CADM2: variants seen among roughly 807,000 people sequenced by gnomAD.
CADM2 encodes the protein cell adhesion molecule 2.
In CADM2, 12 loss-of-function variants were observed where a neutral mutation model predicts 49.8. That is an observed-to-expected ratio of 0.24 (90% confidence interval 0.15 to 0.39). The LOEUF (loss-of-function observed/expected upper bound fraction) is 0.39, where lower values mean the gene tolerates loss of function less well. CADM2 is among the 10% of genes least tolerant of loss of function. CADM2 has a pLI of 1.00. For missense variants in CADM2, 378 were observed against 492.3 expected (o/e 0.77, Z 2.20); for synonymous variants, 214 against 175.4 (o/e 1.22, Z -1.74).
At position 85,496,893 on chromosome 3, in the gene CADM2, G is replaced by T. The variant is rs150586502; in HGVS notation, c.62-229629G>T. 2.0e-3 allele frequency among the ~76,000 whole-genome samples: 306 copies of T among 152,192 alleles called. 3 individuals are homozygous for T. The highest frequency in any genetic ancestry group is 7.2e-3 in the African/African-American group (300 of 41,524). ...GGAGTCTTGCTCTGTTGCCAGGCTG[G>T]AGTGCAATGGCGCCATCTCGGCTCA... On this transcript the variant is annotated intron_variant, in intron 1 of 9. Coordinates refer to ENST00000383699, the MANE Select transcript of CADM2 (RefSeq NM_001167675.2).
intron 1 of CADM2, among the ~76,000 whole-genome samples, chr3:85,496,146 A>G (rs1320595077): frequency 6.6e-6 from 1 of 152,158 alleles, no homozygotes; most frequent in African/African-American, 2.4e-5. Context: ...TGATCCCATC[A>G]TGGAGATAGT....
intron 1 of CADM2, among the ~76,000 whole-genome samples, chr3:85,438,122 T>C (rs1261582932): frequency 6.6e-6 from 1 of 152,066 alleles, no homozygotes; most frequent in African/African-American, 2.4e-5. Context: ...TTTGAATTCT[T>C]ATTTATTTAT....
At chr3:85,175,463 G>GTCT (rs1456697608) in intron 1 of CADM2, among the ~76,000 whole-genome samples, 2 of 152,136 alleles carry the variant, frequency 1.3e-5, no homozygotes, top group Non-Finnish European at 2.9e-5. Context: ...GTGCTACAGT[G>GTCT]TGAATTAACA....
chr3:85,037,317 C>G (rs2035261996), intron 1 of CADM2, among the ~76,000 whole-genome samples: 1 of 152,166 alleles, frequency 6.6e-6, no homozygotes, highest in Non-Finnish European at 1.5e-5. Flanking sequence ...CTCATATTTT[C>G]TCCTTTATGC....
intron 1 of CADM2, among the ~76,000 whole-genome samples, chr3:85,640,024 G>A (rs1244864977): frequency 4.6e-5 from 7 of 152,260 alleles, no homozygotes; most frequent in African/African-American, 1.4e-4. Flanking sequence ...TTCAAAGCAT[G>A]TCTAAGGAGC....
rs1262893925 is a variant in CADM2, at chr3:86,070,426, A to C, written c.*3643A>C. ...AAGTGTTACCAAGGGGAACATTTCA[A>C]ATGCCTTTTGTTTTTCTTTGGACAT... On this transcript the variant is annotated 3_prime_UTR_variant, in exon 10 of 10. Transcript: ENST00000383699. 6.6e-6 allele frequency: 1 copy of C among 151,938 alleles called. No homozygotes were observed. The highest frequency in any genetic ancestry group is 1.5e-5 in the Non-Finnish European group (1 of 67,858). The allele number at this position is 151,938 out of a possible 1,614,324, so 9.4% of individuals were successfully genotyped here.
chr3:85,561,805 CT>C (rs1421525697), intron 1 of CADM2, among the ~76,000 whole-genome samples: 1 of 152,096 alleles, frequency 6.6e-6, no homozygotes, highest in African/African-American at 2.4e-5. Context: ...AAATATCAGA[CT>C]TTTCGTTGAT....
chr3:85,490,030 A>G (rs1021152899), intron 1 of CADM2, among the ~76,000 whole-genome samples: 2 of 150,004 alleles, frequency 1.3e-5, no homozygotes, highest in African/African-American at 4.9e-5. Context: ...TCATAATTCT[A>G]CAATATTAGA....
intron 1 of CADM2, among the ~76,000 whole-genome samples, chr3:85,706,875 A>G (rs2066967116): frequency 6.6e-6 from 1 of 152,220 alleles, no homozygotes; most frequent in African/African-American, 2.4e-5. Flanking sequence ...CCTATCCAAT[A>G]TATTCTGGAG....
chr3:85,192,714 T>C (rs2041237812), intron 1 of CADM2, among the ~76,000 whole-genome samples: 1 of 151,880 alleles, frequency 6.6e-6, no homozygotes. Context: ...GTGGGAAGTA[T>C]GATTTTTATC....
intron 3 of CADM2, among the ~76,000 whole-genome samples, chr3:85,850,938 T>G (rs905785794): frequency 5.9e-5 from 9 of 152,182 alleles, no homozygotes; most frequent in African/African-American, 1.9e-4. Flanking sequence ...TCTAGCACAC[T>G]GTAGCAATGG....
chr3:85,398,155 C>T (rs997279608), intron 1 of CADM2, among the ~76,000 whole-genome samples: 1 of 152,044 alleles, frequency 6.6e-6, no homozygotes, highest in Non-Finnish European at 1.5e-5. Flanking sequence ...TTCCCTCCCC[C>T]CTTCCCCCAC....
intron 2 of CADM2, among the ~76,000 whole-genome samples, chr3:85,745,580 C>T (rs558430219): frequency 6.6e-6 from 1 of 152,020 alleles, no homozygotes; most frequent in Admixed American, 6.6e-5. Context: ...AAGAGTGTTA[C>T]GTGGGCTGGG....
At position 85,631,194 on chromosome 3, in the gene CADM2, G is replaced by C. The variant is rs79828073; in HGVS notation, c.62-95328G>C. Among the ~76,000 whole-genome samples, 539 of 152,058 alleles carry C rather than the reference G, an allele frequency of 3.5e-3. 4 individuals are homozygous for C. The highest frequency in any genetic ancestry group is 0.013 in the African/African-American group (522 of 41,504). The stretch of plus-strand genomic sequence containing the variant: ...TCTCACCTCAAACATCATCTCTTCA[G>C]AGAAGCATTTCTGAAAACTCTACCT... On this transcript the variant is annotated intron_variant, in intron 1 of 9. Transcript: ENST00000383699.
At chr3:85,204,579 A>G (rs971416660) in intron 1 of CADM2, among the ~76,000 whole-genome samples, 1 of 152,206 alleles carries the variant, frequency 6.6e-6, no homozygotes, top group Admixed American at 6.5e-5. Flanking sequence ...CTATAATGTA[A>G]TATTTTTAAA....
intron 1 of CADM2, among the ~76,000 whole-genome samples, chr3:85,506,231 C>A (rs931366213): frequency 7.2e-5 from 11 of 152,100 alleles, no homozygotes; most frequent in African/African-American, 2.7e-4. Context: ...CTTCAGTGTT[C>A]TTTTTCACTT....
intron 1 of CADM2, among the ~76,000 whole-genome samples, chr3:85,061,282 G>C (rs2036304615): frequency 6.6e-6 from 1 of 152,030 alleles, no homozygotes; most frequent in Non-Finnish European, 1.5e-5. Flanking sequence ...CCATTCAAGA[G>C]AGACCATTTA....
rs189470894 is a variant in CADM2 at position 85,301,130 on chromosome 3, A to G, written c.61+341462A>G. On this transcript the variant is annotated intron_variant, in intron 1 of 9. Transcript: ENST00000383699. ...ATGCAAAGTGGATATGGAAAATACA[A>G]CGTAGCCTAGATTACACAGTGAGGG... Among the ~76,000 whole-genome samples the G allele has an allele frequency of 1.4e-4, 22 of 152,182 alleles. 1 individual carries two copies. Among genetic ancestry groups the G allele is most frequent in the Admixed American group, 1.4e-3 (22 of 15,262 alleles).
intron 8 of CADM2, among the ~76,000 whole-genome samples, chr3:86,064,816 G>A (rs1030578813): frequency 1.3e-5 from 2 of 152,272 alleles, no homozygotes; most frequent in East Asian, 1.9e-4. Context: ...CCTAGTAAAT[G>A]CAGAACATGA....
Sources: allele counts gnomAD v4.1 joint callset (sites outside exome capture counted in the v4.1 genomes callset), GRCh38; gene constraint gnomAD v4.1.1; transcripts MANE v1.5; gene names NCBI Gene and HGNC (gene_info 2026-07-23, HGNC 2026-07-21).